The following TEKTIP1 variants were observed in gnomAD, a reference collection of about 807,000 sequenced individuals.
The protein encoded by TEKTIP1 is tektin bundle interacting protein 1.
At chr19:3,543,867 A>G in the TEKTIP1 span, 10 of 1,549,094 alleles carry the variant, frequency 6.5e-6, no homozygotes, top group Admixed American at 1.8e-4. Flanking sequence ...GCCACTGTGG[A>G]GGGCATCAGA....
At chr19:3,542,948 C>CT in the TEKTIP1 span, 138 of 1,501,902 alleles carry the variant, frequency 9.2e-5, no homozygotes, top group Non-Finnish European at 1.2e-4. Flanking sequence ...CCCTTGTCCT[C>CT]TCCCCTCCCT....
At chr19:3,543,072 G>T in the TEKTIP1 span, 3 of 1,588,538 alleles carry the variant, frequency 1.9e-6, no homozygotes, top group Non-Finnish European at 2.6e-6. Flanking sequence ...ACCCACTCTG[G>T]GGTGAGGGGT....
At chr19:3,543,786 G>A in the TEKTIP1 span, 1 of 1,494,448 alleles carries the variant, frequency 6.7e-7, no homozygotes, top group East Asian at 2.5e-5. Flanking sequence ...CTGGCCAACG[G>A]CGAGGAGGTG....
the TEKTIP1 span, chr19:3,542,101 C>T: frequency 7.7e-4 from 755 of 984,788 alleles, no homozygotes; most frequent in Middle Eastern, 2.6e-3. Context: ...TGAGCCACTG[C>T]GCCCAGACAA....
the TEKTIP1 span, chr19:3,539,337 T>C: frequency 3.3e-6 from 3 of 897,364 alleles, no homozygotes; most frequent in Non-Finnish European, 5.3e-6. Flanking sequence ...ACATGGTGTT[T>C]GGTTTGGGGT....
the TEKTIP1 span, chr19:3,542,625 C>T: frequency 3.8e-5 from 30 of 779,954 alleles, no homozygotes; most frequent in African/African-American, 3.4e-4. Flanking sequence ...AGGTGCCCCC[C>T]GCCCCCACAC....
the TEKTIP1 span, chr19:3,543,830 G>T: frequency 6.5e-7 from 1 of 1,529,528 alleles, no homozygotes; most frequent in Admixed American, 2.0e-5. Context: ...CACCTACAGT[G>T]CTCAACAGGA....
chr19:3,543,704 C>T, the TEKTIP1 span: 2 of 1,507,268 alleles, frequency 1.3e-6, no homozygotes, highest in South Asian at 1.3e-5. Context: ...CAGGGTGGGT[C>T]CTTGGGAGGC....
chr19:3,543,896 G>C, the TEKTIP1 span: 1 of 1,550,876 alleles, frequency 6.4e-7, no homozygotes, highest in East Asian at 2.4e-5. Context: ...CCTCCCTGTC[G>C]GCACCCCAGC....
At chr19:3,542,471 G>A in the TEKTIP1 span, 1 of 984,702 alleles carries the variant, frequency 1.0e-6, no homozygotes, top group African/African-American at 1.7e-5. Flanking sequence ...ACATCTTTGA[G>A]TCTCTTGTCT....
the TEKTIP1 span, chr19:3,543,044 C>G: frequency 1.1e-5 from 17 of 1,604,950 alleles, no homozygotes; most frequent in Non-Finnish European, 1.4e-5. Context: ...GAGGGGGAGT[C>G]AGCCTCTCTC....
the TEKTIP1 span, chr19:3,543,090 T>G: frequency 6.4e-7 from 1 of 1,560,984 alleles, no homozygotes; most frequent in East Asian, 2.3e-5. Flanking sequence ...GGTACAGGGC[T>G]GAAGGACAGA....
chr19:3,543,486 C>CT, the TEKTIP1 span: 9 of 1,518,246 alleles, frequency 5.9e-6, no homozygotes, highest in Non-Finnish European at 8.8e-7. Flanking sequence ...GAGTGCCCCC[C>CT]CCCCCGCCCT....
the TEKTIP1 span, among the ~76,000 whole-genome samples, chr19:3,540,672 G>A: frequency 6.6e-6 from 1 of 150,716 alleles, no homozygotes; most frequent in Non-Finnish European, 1.5e-5. Flanking sequence ...CTGAAGTCAG[G>A]AGTTCGAGAC....
chr19:3,539,331 GGT>G, the TEKTIP1 span: 1 of 958,170 alleles, frequency 1.0e-6, no homozygotes, highest in Non-Finnish European at 1.6e-6. Flanking sequence ...CAGGTTACAT[GGT>G]GTTTGGTTTG....
the TEKTIP1 span, chr19:3,543,550 C>T: frequency 2.6e-4 from 396 of 1,534,126 alleles, 1 homozygote; most frequent in South Asian, 1.5e-3. Flanking sequence ...CCCGCCCCAC[C>T]GCAGCCTACA....
the TEKTIP1 span, among the ~76,000 whole-genome samples, chr19:3,541,137 C>A: frequency 7.0e-6 from 1 of 143,392 alleles, no homozygotes; most frequent in Admixed American, 7.0e-5. Flanking sequence ...CCACTGCACT[C>A]CAGCCTGGGT....
chr19:3,543,245 C>G, the TEKTIP1 span: 1 of 1,544,896 alleles, frequency 6.5e-7, no homozygotes, highest in Non-Finnish European at 8.7e-7. Flanking sequence ...CGATGACTAC[C>G]TGTCCCTGGA....
the TEKTIP1 span, chr19:3,539,383 T>C: frequency 1.9e-5 from 12 of 643,378 alleles, no homozygotes; most frequent in Admixed American, 4.9e-5. Flanking sequence ...AAAAGGCTCA[T>C]GTGTGTGACG....
Sources: gnomAD v4.1 joint callset for allele counts (sites outside exome capture counted in the v4.1 genomes callset) on GRCh38, gnomAD v4.1.1 for gene constraint, MANE v1.5 for transcripts, NCBI Gene and HGNC (gene_info 2026-07-23, HGNC 2026-07-21) for gene names.